The following VPS41 variants were observed in gnomAD, a reference collection of about 807,000 sequenced individuals.
VPS41 encodes vacuolar protein sorting-associated protein 41 homolog.
Under a neutral mutation model 130.9 loss-of-function variants are expected in VPS41, and 85 were observed. The observed-to-expected ratio is 0.65, with a 90% CI of 0.55 to 0.78. The LOEUF (loss-of-function observed/expected upper bound fraction) is 0.78. Among genes scored for constraint, VPS41 ranks in the 30% least tolerant of loss-of-function variants. The pLI is 0.00. For missense variants in VPS41, 874 were observed against 1,018.7 expected (o/e 0.86, Z 1.93); for synonymous variants, 335 against 332.9 (o/e 1.01, Z -0.07).
chr7:38,828,876 C>A (rs1785332029), intron 5 of VPS41, among the ~76,000 whole-genome samples: 1 of 152,076 alleles, frequency 6.6e-6, no homozygotes, highest in Non-Finnish European at 1.5e-5. Flanking sequence ...CATTAAATAA[C>A]AATTCTTCAA....
At chr7:38,727,263 G>GT (rs756991660) in intron 27 of VPS41, 12 of 237,244 alleles carry the variant, frequency 5.1e-5, no homozygotes, top group African/African-American at 9.0e-5. Flanking sequence ...ACCAGCAAGT[G>GT]TATGTGCCAA....
chr7:38,822,508 T>C (rs1258409200), intron 5 of VPS41, among the ~76,000 whole-genome samples: 9 of 152,340 alleles, frequency 5.9e-5, no homozygotes, highest in African/African-American at 1.9e-4. Flanking sequence ...ATAGTAGAGG[T>C]TGCTTCTTTG....
At chr7:38,764,642 G>A (rs1471633390) in intron 16 of VPS41, among the ~76,000 whole-genome samples, 2 of 152,060 alleles carry the variant, frequency 1.3e-5, no homozygotes, top group Non-Finnish European at 2.9e-5. Context: ...GACAAGAAGT[G>A]GAGATTAAAC....
chr7:38,737,444 A>C lies in VPS41; in HGVS notation c.2259+4541T>G, dbSNP rs564086855. 1.2e-4 allele frequency among the ~76,000 whole-genome samples: 18 copies of C among 152,322 alleles called. No homozygotes were observed. In the East Asian group the frequency reaches 3.3e-3, roughly 28 times the overall value. On this transcript the variant is annotated intron_variant, in intron 25 of 28. Transcript: ENST00000310301. The stretch of plus-strand genomic sequence containing the variant: ...TGGTCATAGATACAGACAAAATAAA[A>C]CATAAATCAAAAGCAAGAGTAATGG...
At chr7:38,905,852 G>A (rs1348743830) in intron 1 of VPS41, among the ~76,000 whole-genome samples, 1 of 152,150 alleles carries the variant, frequency 6.6e-6, no homozygotes, top group Non-Finnish European at 1.5e-5. Flanking sequence ...GGAGTGCAAT[G>A]GCACAATCTC....
intron 2 of VPS41, among the ~76,000 whole-genome samples, chr7:38,878,738 C>A (rs1366194027): frequency 6.6e-6 from 1 of 152,152 alleles, no homozygotes; most frequent in East Asian, 1.9e-4. Flanking sequence ...TGTTTCTGAT[C>A]TTAAAAAAGC....
rs987225638 is a variant in VPS41 at position 38,828,256 on chromosome 7, CACGCACACAT to C, written c.321+1988_321+1997del. Among the ~76,000 whole-genome samples the C allele has an allele frequency of 1.0e-3, 158 of 152,156 alleles. 1 individual carries two copies. The highest frequency in any genetic ancestry group is 3.7e-3 in the African/African-American group (155 of 41,512). ...CTGAAACTGAACACACACACACACA[CACGCACACAT>C]ACGATATGTGTGTCTCAAAATGTAG... On this transcript the variant is annotated intron_variant, in intron 5 of 28. Transcript: ENST00000310301.
At chr7:38,802,060 G>C (rs1784737621) in intron 7 of VPS41, among the ~76,000 whole-genome samples, 1 of 152,212 alleles carries the variant, frequency 6.6e-6, no homozygotes, top group Non-Finnish European at 1.5e-5. Flanking sequence ...GGCATGTAAT[G>C]TCAGTCTATT....
In VPS41 at chr7:38,726,048, A is replaced by T. The variant is rs1399501031; in HGVS notation, c.*198T>A. 1 of 533,500 alleles carries T rather than the reference A, an allele frequency of 1.9e-6. No homozygotes were observed. Among genetic ancestry groups the T allele is most frequent in the Non-Finnish European group, 3.3e-6 (1 of 301,902 alleles). The allele number at this position is 533,500 out of a possible 1,614,324, so 33.0% of individuals were successfully genotyped here. A position where few individuals can be genotyped will look rare whatever the true frequency, so the allele number is the denominator to read the frequency against. ...ATTCACTATGGACCCCAAAATTTCA[A>T]GGCATGAAGAGAGCCCCAAATTCTC... On this transcript the variant is annotated 3_prime_UTR_variant, in exon 29 of 29. Transcript: ENST00000310301.
intron 15 of VPS41, among the ~76,000 whole-genome samples, chr7:38,766,831 C>T (rs765917813): frequency 1.4e-4 from 22 of 152,196 alleles, no homozygotes; most frequent in Non-Finnish European, 2.5e-4. Context: ...CCCCTTCTGC[C>T]ATGACTGTAA....
chr7:38,909,090 TC>T, intron 1 of VPS41, 63 bp downstream of exon 1: 4 of 1,381,580 alleles, frequency 2.9e-6, no homozygotes, highest in Non-Finnish European at 3.9e-6. Flanking sequence ...CACTCCACCC[TC>T]CCCAAACAGC....
intron 1 of VPS41, among the ~76,000 whole-genome samples, chr7:38,900,796 C>A (rs957149316): frequency 1.3e-5 from 2 of 152,198 alleles, no homozygotes; most frequent in Non-Finnish European, 2.9e-5. Flanking sequence ...CTCACACAGA[C>A]AGGCGATCTC....
chr7:38,753,244 G>A (rs1036115713), intron 21 of VPS41, among the ~76,000 whole-genome samples: 4 of 152,150 alleles, frequency 2.6e-5, no homozygotes, highest in Non-Finnish European at 5.9e-5. Flanking sequence ...TAGAGCACCA[G>A]CCGCCCTGCA....
intron 2 of VPS41, among the ~76,000 whole-genome samples, chr7:38,873,160 G>A (rs1056355351): frequency 2.6e-5 from 4 of 152,054 alleles, no homozygotes; most frequent in Non-Finnish European, 2.9e-5. Flanking sequence ...GCATCCTTAC[G>A]GGGTTTCAAA....
chr7:38,855,208 CA>C (rs746134361), intron 4 of VPS41, among the ~76,000 whole-genome samples: 2,294 of 77,176 alleles, frequency 0.03, 29 homozygotes, highest in African/African-American at 0.11. Context: ...GACTCCCTCT[CA>C]AAAAAAAAAA....
intron 2 of VPS41, among the ~76,000 whole-genome samples, chr7:38,896,611 T>G (rs1389502081): frequency 6.6e-6 from 1 of 152,234 alleles, no homozygotes; most frequent in Non-Finnish European, 1.5e-5. Flanking sequence ...AAGACAATTC[T>G]TCTTCCAATG....
intron 7 of VPS41, among the ~76,000 whole-genome samples, chr7:38,802,853 T>C (rs897073780): frequency 6.6e-6 from 1 of 152,202 alleles, no homozygotes; most frequent in Non-Finnish European, 1.5e-5. Flanking sequence ...GGTTAATTTA[T>C]TTGGTTCATC....
chr7:38,864,324 T>G (rs1394654126), intron 3 of VPS41, among the ~76,000 whole-genome samples: 1 of 152,298 alleles, frequency 6.6e-6, no homozygotes, highest in South Asian at 2.1e-4. Flanking sequence ...CCTTCCCTTC[T>G]TTTTTCTAAA....
intron 10 of VPS41, among the ~76,000 whole-genome samples, chr7:38,780,206 G>GA (rs1784332426): frequency 7.0e-6 from 1 of 143,778 alleles, no homozygotes; most frequent in African/African-American, 2.6e-5. Context: ...TTTTTGGAGT[G>GA]AAAAATGCAG....
Sources: allele counts gnomAD v4.1 joint callset (sites outside exome capture counted in the v4.1 genomes callset), GRCh38; gene constraint gnomAD v4.1.1; transcripts MANE v1.5; gene names NCBI Gene and HGNC (gene_info 2026-07-23, HGNC 2026-07-21).